SPPL2A: variants seen among roughly 807,000 people sequenced by gnomAD.
SPPL2A encodes the protein signal peptide peptidase like 2A.
In SPPL2A, 51 loss-of-function variants were observed where a neutral mutation model predicts 63.8. The ratio of observed to expected loss-of-function variants is 0.80; its 90% CI spans 0.64 to 1.01. The LOEUF (loss-of-function observed/expected upper bound fraction) is 1.01. Ranked by LOEUF, SPPL2A falls within the 50% of genes least tolerant of loss-of-function variation. The probability of loss-of-function intolerance (pLI) is 0.00; values close to 1 mark genes in which losing one functional copy is unlikely to be tolerated. For missense variants in SPPL2A, 553 were observed against 622.7 expected (o/e 0.89, Z 1.19); for synonymous variants, 188 against 205.8 (o/e 0.91, Z 0.74).
At chr15:50,736,940 G>T (rs1422118486) in intron 6 of SPPL2A, among the ~76,000 whole-genome samples, 200 bp from the exon 7 acceptor site, 1 of 148,174 alleles carries the variant, frequency 6.7e-6, no homozygotes, top group African/African-American at 2.4e-5. Flanking sequence ...GTCTCACTCT[G>T]TCGCCCAGTC....
In SPPL2A at chr15:50,748,839, G is replaced by A. The variant is rs765646636; in HGVS notation, c.209C>T (p.Thr70Ile). Residue 70 changes from threonine to isoleucine, a missense_variant, in exon 3 of 15, where the codon ACA becomes ATA. By Grantham distance (89) the Thr-to-Ile change is moderately conservative. Transcript: ENST00000261854. ...TSISLMNLTS[T>I]PLCNLSDIPP... ...AATATCAGAAAGGTTGCATAGTGGTGTGGAAGTCAGATTCATCAAACTAAT... is the reference window on the plus strand; with the variant it reads ...AATATCAGAAAGGTTGCATAGTGGTATGGAAGTCAGATTCATCAAACTAAT... The A allele has an allele frequency of 1.9e-6, 3 of 1,593,618 alleles. No homozygotes were observed. The Admixed American group carries it at 5.5e-5, about 29-fold the overall frequency.
intron 14 of SPPL2A, 120 bp downstream of exon 14, chr15:50,719,820 G>C (rs2062629978): frequency 1.7e-6 from 1 of 605,698 alleles, no homozygotes; most frequent in East Asian, 2.8e-5. Context: ...CAGTGAGTAA[G>C]GGGGTATTAC....
At chr15:50,739,570 A>G in intron 6 of SPPL2A, 110 bp downstream of exon 6, 1 of 715,846 alleles carries the variant, frequency 1.4e-6, no homozygotes, top group Non-Finnish European at 2.2e-6. Flanking sequence ...TAACCAAATT[A>G]TTCACATACG....
intron 14 of SPPL2A, among the ~76,000 whole-genome samples, chr15:50,712,670 TCC>T (rs376175768): frequency 1.8e-3 from 95 of 53,828 alleles, no homozygotes; most frequent in African/African-American, 4.8e-3. Context: ...CCTCCCTCCC[TCC>T]CCCCCCCTTT....
At chr15:50,764,670 G>C (rs1057142405) in intron 1 of SPPL2A, 2 of 152,042 alleles carry the variant, frequency 1.3e-5, no homozygotes, top group East Asian at 3.9e-4. Flanking sequence ...CTGAAACACC[G>C]GGTTCCTGAC....
At chr15:50,730,242 C>T (rs768264363) in intron 10 of SPPL2A, among the ~76,000 whole-genome samples, 16 of 152,188 alleles carry the variant, frequency 1.1e-4, no homozygotes, top group South Asian at 1.0e-3. Context: ...GAAGAGCTAG[C>T]GGCAGATCTG....
chr15:50,739,401 A>G (rs2062799926), intron 6 of SPPL2A, among the ~76,000 whole-genome samples: 1 of 151,680 alleles, frequency 6.6e-6, no homozygotes, highest in South Asian at 2.1e-4. Flanking sequence ...CTGGTCTCAA[A>G]CTCCCAACCT....
intron 11 of SPPL2A, among the ~76,000 whole-genome samples, chr15:50,725,706 C>T (rs1020020747): frequency 6.6e-6 from 1 of 152,208 alleles, no homozygotes; most frequent in Non-Finnish European, 1.5e-5. Flanking sequence ...GCTGGTATTA[C>T]AGGCATGAGC....
At chr15:50,727,031 A>C (rs1051547987) in intron 10 of SPPL2A, among the ~76,000 whole-genome samples, 1 of 152,060 alleles carries the variant, frequency 6.6e-6, no homozygotes, top group African/African-American at 2.4e-5. Flanking sequence ...GCCTGGATAA[A>C]GTCTTTTTAT....
At chr15:50,739,340 A>T (rs983474088) in intron 6 of SPPL2A, among the ~76,000 whole-genome samples, 2 of 151,748 alleles carry the variant, frequency 1.3e-5, no homozygotes, top group Non-Finnish European at 2.9e-5. Flanking sequence ...CACCACACCC[A>T]GCTAATTTCT....
intron 14 of SPPL2A, among the ~76,000 whole-genome samples, chr15:50,714,063 A>C (rs2062581057): frequency 6.6e-6 from 1 of 152,114 alleles, no homozygotes; most frequent in South Asian, 2.1e-4. Flanking sequence ...CTGGTACTAG[A>C]CTCTATGCTC....
intron 9 of SPPL2A, among the ~76,000 whole-genome samples, chr15:50,732,126 T>C (rs1433314291): frequency 6.6e-6 from 1 of 151,634 alleles, no homozygotes; most frequent in Non-Finnish European, 1.5e-5. Flanking sequence ...TAAAATAAAG[T>C]GTACACATGG....
chr15:50,731,260 TGCTGGGTTGG>T lies in SPPL2A; in HGVS notation c.1015-231_1015-222del, dbSNP rs547921736. On this transcript the variant is annotated intron_variant, in intron 9 of 14. Transcript: ENST00000261854. ...AAAAAATCACCGAACCAAAGAAATG[TGCTGGGTTGG>T]GCCTGGTGGCTCACGCCTGTAATCC... is the stretch of plus-strand genomic sequence containing the variant. 7.9e-5 allele frequency among the ~76,000 whole-genome samples: 12 copies of T among 152,326 alleles called. No homozygotes were observed. In the East Asian group the frequency reaches 2.3e-3, roughly 29 times the overall value.
intron 12 of SPPL2A, 37 bp downstream of exon 12, chr15:50,725,184 G>GTT (rs368359163): frequency 9.9e-5 from 91 of 923,526 alleles, no homozygotes; most frequent in Admixed American, 1.2e-4. Context: ...AATCATCAGT[G>GTT]TTTTTTTTTT....
At chr15:50,733,235 A>AT (rs1339774537) in intron 8 of SPPL2A, among the ~76,000 whole-genome samples, 1 of 152,226 alleles carries the variant, frequency 6.6e-6, no homozygotes, top group Non-Finnish European at 1.5e-5. Context: ...AGAAATTGAC[A>AT]TAAGTAATTA....
rs370069921 is a variant in SPPL2A, at chr15:50,748,674, T to C, written c.360+14A>G. 1.3e-6 allele frequency: 2 copies of C among 1,505,160 alleles called. No homozygotes were observed. The highest frequency in any genetic ancestry group is 2.5e-5 in the East Asian group (1 of 40,676). 93.2% of individuals were successfully genotyped at this position (1,505,160 alleles called of 1,614,324 possible). A position where few individuals can be genotyped will look rare whatever the true frequency, so the allele number is the denominator to read the frequency against. On this transcript the variant is annotated intron_variant, in intron 3 of 14. Coordinates refer to ENST00000261854, the MANE Select transcript of SPPL2A (RefSeq NM_032802.4). ...ATGAACTCAAAATAAGATATGATTG[T>C]TTTTATAACTTACTAGGACACTGTT...
chr15:50,755,525 G>A (rs1357929910), intron 1 of SPPL2A, among the ~76,000 whole-genome samples: 1 of 149,940 alleles, frequency 6.7e-6, no homozygotes, highest in Non-Finnish European at 1.5e-5. Flanking sequence ...AGAGGCTGAG[G>A]TGAAAGGATT....
At chr15:50,754,757 C>T (rs1258066279) in intron 1 of SPPL2A, among the ~76,000 whole-genome samples, 1 of 151,376 alleles carries the variant, frequency 6.6e-6, no homozygotes, top group Non-Finnish European at 1.5e-5. Flanking sequence ...CCTAGGTGGG[C>T]GGATCAACTG....
Position 50,717,741 on chromosome 15 carries a change from G to A in SPPL2A, c.1488+2199C>T, listed in dbSNP as rs542831456. Among the ~76,000 whole-genome samples, 14 of 152,006 alleles carry A rather than the reference G, an allele frequency of 9.2e-5. No individual in the cohort carries two copies. The East Asian group carries it at 1.7e-3, about 19-fold the overall frequency. On this transcript the variant is annotated intron_variant, in intron 14 of 14. Transcript: ENST00000261854. Reference sequence around the variant, plus strand: ...CCATGTTCTCTTCCCTCTGAGCCTCGGAAGACATGGTTCCTTCAACATGGA... The same window carrying A: ...CCATGTTCTCTTCCCTCTGAGCCTCAGAAGACATGGTTCCTTCAACATGGA...
Sources: gnomAD v4.1 joint callset for allele counts (sites outside exome capture counted in the v4.1 genomes callset) on GRCh38, gnomAD v4.1.1 for gene constraint, MANE v1.5 for transcripts, NCBI Gene and HGNC (gene_info 2026-07-23, HGNC 2026-07-21) for gene names.